Variants in MCPH1 observed in about 807,000 individuals in gnomAD.
The protein encoded by MCPH1 is microcephalin 1.
In MCPH1, 104 loss-of-function variants were observed where a neutral mutation model predicts 84.5. The observed-to-expected ratio is 1.23, with a 90% CI of 1.05 to 1.45. MCPH1 has a LOEUF of 1.45. Ranked by LOEUF, MCPH1 falls within the 40% of genes most tolerant of loss-of-function variation. The pLI is 0.00. For synonymous variants in MCPH1, 514 were observed against 366.8 expected (o/e 1.40, Z -4.58); for missense variants, 1,498 against 1,005.7 (o/e 1.49, Z -6.62).
chr8:6,449,200 G>T (rs1269029446), intron 8 of MCPH1, among the ~76,000 whole-genome samples: 1 of 152,176 alleles, frequency 6.6e-6, no homozygotes, highest in East Asian at 1.9e-4. Flanking sequence ...CATCTTCATT[G>T]CTTAGAAGAC....
At chr8:6,419,122 T>TAC (rs1378714195) in intron 3 of MCPH1, among the ~76,000 whole-genome samples, 37 of 131,656 alleles carry the variant, frequency 2.8e-4, no homozygotes, top group East Asian at 2.1e-3. Context: ...TATATTTATA[T>TAC]ACACATACAC....
intron 11 of MCPH1, among the ~76,000 whole-genome samples, chr8:6,482,902 G>A (rs2922812): frequency 0.12 from 18,980 of 152,182 alleles, 2,756 homozygotes; most frequent in African/African-American, 0.36. Context: ...AGACACATAA[G>A]TGAATGAATG....
At chr8:6,558,820 G>T (rs1260444534) in intron 12 of MCPH1, among the ~76,000 whole-genome samples, 2 of 151,870 alleles carry the variant, frequency 1.3e-5, no homozygotes, top group South Asian at 4.2e-4. Context: ...TATGATATAT[G>T]TATAATATAT....
intron 12 of MCPH1, among the ~76,000 whole-genome samples, chr8:6,572,368 A>G (rs1196860927): frequency 6.6e-6 from 1 of 152,208 alleles, no homozygotes; most frequent in African/African-American, 2.4e-5. Flanking sequence ...CTATTTAAGA[A>G]TGCAAGTATC....
chr8:6,450,946 A>G (rs1487110834), intron 8 of MCPH1, among the ~76,000 whole-genome samples: 6 of 152,178 alleles, frequency 3.9e-5, no homozygotes, highest in South Asian at 2.1e-4. Context: ...GAGCTCATGC[A>G]ATCTGCCCGC....
At chr8:6,624,014 G>C (rs1021998154) in intron 13 of MCPH1, among the ~76,000 whole-genome samples, 8 of 152,222 alleles carry the variant, frequency 5.3e-5, no homozygotes, top group Admixed American at 1.3e-4. Flanking sequence ...CTCTGCACTC[G>C]TGTTTCCAGG....
intron 6 of MCPH1, among the ~76,000 whole-genome samples, chr8:6,440,570 C>G (rs907693794): frequency 6.6e-6 from 1 of 152,164 alleles, no homozygotes; most frequent in Non-Finnish European, 1.5e-5. Flanking sequence ...TTTGAGTCAT[C>G]TTATTGTCAC....
At chr8:6,523,572 T>A (rs1422871097) in intron 12 of MCPH1, among the ~76,000 whole-genome samples, 1 of 150,136 alleles carries the variant, frequency 6.7e-6, no homozygotes, top group Non-Finnish European at 1.5e-5. Context: ...AGTCAAGGTA[T>A]TTGGCAGGGT....
chr8:6,585,208 G>A (rs1331890770), intron 12 of MCPH1, among the ~76,000 whole-genome samples: 2 of 152,234 alleles, frequency 1.3e-5, no homozygotes, highest in African/African-American at 4.8e-5. Context: ...CTCCCAGTGG[G>A]TACTCCACGG....
In MCPH1 at chr8:6,642,985, T is replaced by G; in HGVS notation, c.2453-9T>G. On this transcript the variant is annotated splice_polypyrimidine_tract_variant and intron_variant, in intron 13 of 13. Coordinates refer to ENST00000344683, the MANE Select transcript of MCPH1 (RefSeq NM_024596.5). ...ATGAATGCTAAACTGCTTTTCGCTC[T>G]CTCTCTAGATTCCATCACCCAGCAC... 1.9e-6 allele frequency: 3 copies of G among 1,613,766 alleles called. No homozygotes were observed. Among genetic ancestry groups the G allele is most frequent in the Non-Finnish European group, 2.5e-6 (3 of 1,179,730 alleles).
At chr8:6,518,358 C>T (rs987199649) in intron 12 of MCPH1, among the ~76,000 whole-genome samples, 7 of 152,328 alleles carry the variant, frequency 4.6e-5, no homozygotes, top group African/African-American at 1.2e-4. Context: ...AGAGTCTGTT[C>T]GTTGCCTTTT....
chr8:6,522,801 G>A (rs73199047), intron 12 of MCPH1, among the ~76,000 whole-genome samples: 10,958 of 151,132 alleles, frequency 0.073, 496 homozygotes, highest in African/African-American at 0.12. Context: ...GAAAAGAAAT[G>A]TAGGAAGAAT....
intron 12 of MCPH1, among the ~76,000 whole-genome samples, chr8:6,546,783 C>A (rs1356997937): frequency 1.3e-5 from 2 of 152,190 alleles, no homozygotes; most frequent in East Asian, 3.9e-4. Context: ...CCTCCCCTTC[C>A]CCCAATCCAA....
intron 13 of MCPH1, among the ~76,000 whole-genome samples, chr8:6,636,487 G>C (rs1297867405): frequency 5.9e-5 from 9 of 151,812 alleles, no homozygotes; most frequent in Non-Finnish European, 1.3e-4. Flanking sequence ...AAATTTGTTT[G>C]TTTATTTTTT....
chr8:6,440,766 A>G (rs138846975), intron 6 of MCPH1, among the ~76,000 whole-genome samples: 1 of 152,312 alleles, frequency 6.6e-6, no homozygotes, highest in East Asian at 1.9e-4. Flanking sequence ...AATGTGATCA[A>G]CTATTACCTC....
intron 6 of MCPH1, among the ~76,000 whole-genome samples, chr8:6,439,585 C>T (rs892214580): frequency 3.3e-5 from 5 of 151,000 alleles, no homozygotes; most frequent in Admixed American, 1.3e-4. Context: ...TTAGTAGAGA[C>T]GGGGTTTCAC....
intron 8 of MCPH1, among the ~76,000 whole-genome samples, chr8:6,448,581 C>T (rs974334915): frequency 2.6e-5 from 4 of 152,148 alleles, no homozygotes; most frequent in Admixed American, 6.5e-5. Context: ...TTTGTCTGCA[C>T]GAAGCAGCCA....
At chr8:6,553,154 G>A (rs771442554) in intron 12 of MCPH1, among the ~76,000 whole-genome samples, 1 of 152,238 alleles carries the variant, frequency 6.6e-6, no homozygotes, top group East Asian at 1.9e-4. Context: ...GCACCACTCT[G>A]GTGCAGGATG....
intron 9 of MCPH1, among the ~76,000 whole-genome samples, chr8:6,459,207 G>A (rs1261122690): frequency 6.6e-6 from 1 of 152,094 alleles, no homozygotes; most frequent in East Asian, 1.9e-4. Flanking sequence ...GGTTTTACCT[G>A]CTTATTTTGT....
Sources: gnomAD v4.1 joint callset for allele counts (sites outside exome capture counted in the v4.1 genomes callset) on GRCh38, gnomAD v4.1.1 for gene constraint, MANE v1.5 for transcripts, NCBI Gene and HGNC (gene_info 2026-07-23, HGNC 2026-07-21) for gene names.